The following ZNF644 variants were observed in gnomAD, a reference collection of about 807,000 sequenced individuals.
ZNF644 encodes the protein zinc finger protein 644.
ZNF644 carries 20 observed loss-of-function variants against 108.0 expected under a neutral mutation model. That is an observed-to-expected ratio of 0.19 (90% CI 0.13 to 0.27). The LOEUF is 0.27. Ranked by LOEUF, ZNF644 falls within the 10% of genes least tolerant of loss-of-function variation. The pLI is 1.00. For synonymous variants in ZNF644, 542 were observed against 539.1 expected (o/e 1.01, Z -0.08); for missense variants, 1,338 against 1,548.9 (o/e 0.86, Z 2.29).
chr1:90,940,052 A>G lies in ZNF644; in HGVS notation c.1302T>C (p.Asp434=), dbSNP rs1474887720. 6.2e-7 allele frequency: 1 copy of G among 1,614,098 alleles called. No individual in the cohort carries two copies. Among genetic ancestry groups the G allele is most frequent in the Non-Finnish European group, 8.5e-7 (1 of 1,179,960 alleles). ...TAAGATGGCGAAAGTGACTATTCCCATCTAAATGATACATCATATGCCTGT... is the reference window on the plus strand; with the variant it reads ...TAAGATGGCGAAAGTGACTATTCCCGTCTAAATGATACATCATATGCCTGT... ...HLHRHMMYHL[D]GNSHFRHLNV... The change falls in exon 3 of 6, where the codon GAT becomes GAC. Residue 434 remains aspartate, a synonymous_variant. Transcript: ENST00000337393.
At chr1:90,978,792 A>C (rs903827563) in intron 2 of ZNF644, among the ~76,000 whole-genome samples, 6 of 151,968 alleles carry the variant, frequency 3.9e-5, no homozygotes, top group African/African-American at 1.2e-4. Context: ...TGGCTCCTCA[A>C]CTCTAACCAA....
At chr1:91,014,152 AAC>A (rs1482488796) in intron 1 of ZNF644, among the ~76,000 whole-genome samples, 12 of 152,204 alleles carry the variant, frequency 7.9e-5, no homozygotes, top group Non-Finnish European at 1.0e-4. Context: ...CTAGCTAATT[AAC>A]ACATGCATTA....
At chr1:90,964,953 A>G (rs1331217253) in intron 2 of ZNF644, among the ~76,000 whole-genome samples, 3 of 152,162 alleles carry the variant, frequency 2.0e-5, no homozygotes, top group African/African-American at 4.8e-5. Context: ...CTTAGAAGAC[A>G]TAAGTTGCTT....
intron 1 of ZNF644, among the ~76,000 whole-genome samples, chr1:90,984,985 T>G (rs1656950937): frequency 1.3e-5 from 2 of 152,210 alleles, no homozygotes; most frequent in Non-Finnish European, 2.9e-5. Flanking sequence ...AATTTTGTTA[T>G]GCATATTTTA....
chr1:90,970,502 T>C (rs1203235240), intron 2 of ZNF644, among the ~76,000 whole-genome samples: 2 of 152,204 alleles, frequency 1.3e-5, no homozygotes, highest in Non-Finnish European at 2.9e-5. Flanking sequence ...CAAAACAATC[T>C]AGAGAATTTT....
At chr1:90,935,584 TCTTAG>T (rs987721988) in intron 4 of ZNF644, 16 of 983,604 alleles carry the variant, frequency 1.6e-5, no homozygotes, top group African/African-American at 1.0e-4. Context: ...AGTGAAATTT[TCTTAG>T]CTTAAAGAGT....
Position 90,985,334 on chromosome 1 carries a change from CT to C in ZNF644, c.-17-2965del, listed in dbSNP as rs1656988525. 2.6e-5 allele frequency among the ~76,000 whole-genome samples: 4 copies of C among 152,276 alleles called. No homozygotes were observed. The South Asian group carries it at 8.3e-4, about 32-fold the overall frequency. ...TGTGGTAAAACACTTAAAATCTACT[CT>C]TTTAGCAATTTTAAAATATACATGC... is the stretch of plus-strand genomic sequence containing the variant. On this transcript the variant is annotated intron_variant, in intron 1 of 5. Transcript: ENST00000337393.
chr1:90,972,063 G>A (rs1655548940), intron 2 of ZNF644, among the ~76,000 whole-genome samples: 1 of 152,064 alleles, frequency 6.6e-6, no homozygotes, highest in Non-Finnish European at 1.5e-5. Flanking sequence ...AGGTTGCAGT[G>A]AACCAAGTCA....
intron 1 of ZNF644, among the ~76,000 whole-genome samples, chr1:91,009,229 G>A (rs915410679): frequency 6.6e-6 from 1 of 152,026 alleles, no homozygotes; most frequent in Non-Finnish European, 1.5e-5. Flanking sequence ...TATTAACTGT[G>A]AGAATGTTTA....
intron 1 of ZNF644, among the ~76,000 whole-genome samples, chr1:91,013,581 A>C (rs1189238968): frequency 6.6e-6 from 1 of 152,082 alleles, no homozygotes; most frequent in East Asian, 1.9e-4. Flanking sequence ...TGCTGTTTTA[A>C]TTCCTATCAC....
chr1:90,959,173 C>T (rs2101112225), intron 2 of ZNF644, among the ~76,000 whole-genome samples: 1 of 152,244 alleles, frequency 6.6e-6, no homozygotes, highest in Middle Eastern at 3.4e-3. Context: ...ACATCGTGGT[C>T]ATTAAAGAAA....
Position 90,940,214 on chromosome 1 carries a change from G to A in ZNF644, c.1140C>T (p.Ser380=), listed in dbSNP as rs1318626224. ...TTTTTAAGGTATTTGAAAGAAAAGT[G>A]CTAGTATGAACAGGTGAACTCTCTT... ...CGEESSPVHT[S]TFLSNTLKKK... is the part of the protein sequence containing the mutation. The change falls in exon 3 of 6, where the codon AGC becomes AGT. Residue 380 remains serine (S), a synonymous_variant. Coordinates refer to ENST00000337393, the MANE Select transcript of ZNF644 (RefSeq NM_201269.3). The A allele has an allele frequency of 1.9e-6, 3 of 1,613,850 alleles. No homozygotes were observed. The highest frequency in any genetic ancestry group is 2.5e-6 in the Non-Finnish European group (3 of 1,179,970).
chr1:90,937,165 C>G lies in ZNF644; in HGVS notation c.3688+320G>C, dbSNP rs199901138. On this transcript the variant is annotated intron_variant, in intron 4 of 5. Transcript: ENST00000337393. ...TCAACCTCCCATCCACAACCATCCT[C>G]CAGCCAGAGCAAGTTTTATTTTTAC... Among the ~76,000 whole-genome samples, 5 of 152,254 alleles carry G rather than the reference C, an allele frequency of 3.3e-5. No homozygotes were observed. The East Asian group carries it at 7.7e-4, about 23-fold the overall frequency.
At chr1:91,004,758 G>C (rs551335724) in intron 1 of ZNF644, among the ~76,000 whole-genome samples, 1 of 152,264 alleles carries the variant, frequency 6.6e-6, no homozygotes, top group African/African-American at 2.4e-5. Flanking sequence ...AAAATTTACA[G>C]TATTAATTTC....
chr1:90,998,235 G>T (rs2101644209), intron 1 of ZNF644, among the ~76,000 whole-genome samples: 1 of 152,312 alleles, frequency 6.6e-6, no homozygotes, highest in East Asian at 1.9e-4. Flanking sequence ...TCTGAGAATG[G>T]AGAGACTGCC....
At chr1:90,987,246 GT>G (rs55996875) in intron 1 of ZNF644, among the ~76,000 whole-genome samples, 3,248 of 121,016 alleles carry the variant, frequency 0.027, 73 homozygotes, top group African/African-American at 0.059. Context: ...CCTAGAGTTG[GT>G]TTTTTTTTTT....
chr1:90,930,831 G>GA (rs1466146421), intron 4 of ZNF644, among the ~76,000 whole-genome samples: 1 of 152,120 alleles, frequency 6.6e-6, no homozygotes, highest in Non-Finnish European at 1.5e-5. Context: ...ATCTACCATA[G>GA]AAAAGCATTG....
In ZNF644 at chr1:90,916,766, T is replaced by A; in HGVS notation, c.*32A>T. 1 of 1,610,948 alleles carries A rather than the reference T, an allele frequency of 6.2e-7. No individual in the cohort carries two copies. The highest frequency in any genetic ancestry group is 8.5e-7 in the Non-Finnish European group (1 of 1,177,590). Reference sequence around the variant, plus strand: ...AAAAGAATTTCAAATTTACATCCAATTCAAACTGGCTATTTAAAAGGTTTC... The same window carrying A: ...AAAAGAATTTCAAATTTACATCCAAATCAAACTGGCTATTTAAAAGGTTTC... On this transcript the variant is annotated 3_prime_UTR_variant, in exon 6 of 6. Transcript: ENST00000337393.
intron 4 of ZNF644, among the ~76,000 whole-genome samples, chr1:90,920,017 C>G (rs1184764475): frequency 6.6e-6 from 1 of 151,952 alleles, no homozygotes; most frequent in East Asian, 1.9e-4. Context: ...ATGCTTTGTA[C>G]CCAGTAGGAA....
Sources: gnomAD v4.1 joint callset for allele counts (sites outside exome capture counted in the v4.1 genomes callset) on GRCh38, gnomAD v4.1.1 for gene constraint, MANE v1.5 for transcripts, NCBI Gene and HGNC (gene_info 2026-07-23, HGNC 2026-07-21) for gene names.